The following SCUBE1 variants were observed in gnomAD, a reference collection of about 807,000 sequenced individuals.
SCUBE1 encodes signal peptide, CUB domain and EGF like domain containing 1, also known as signal peptide, CUB and EGF-like domain-containing protein 1.
SCUBE1 carries 59 observed loss-of-function variants against 124.4 expected under a neutral mutation model. The ratio of observed to expected loss-of-function variants is 0.47; its 90% CI spans 0.38 to 0.59. The LOEUF is 0.59. Ranked by LOEUF, SCUBE1 falls within the 20% of genes least tolerant of loss-of-function variation. The pLI is 0.00. For synonymous variants in SCUBE1, 545 were observed against 550.9 expected (o/e 0.99, Z 0.15); for missense variants, 1,150 against 1,371.2 (o/e 0.84, Z 2.55).
At chr22:43,216,349 A>G (rs112391205) in intron 15 of SCUBE1, among the ~76,000 whole-genome samples, 2,625 of 149,830 alleles carry the variant, frequency 0.018, 90 homozygotes, top group African/African-American at 0.062. Context: ...GCCCGGCCCA[A>G]AATAAGTTAT....
At chr22:43,302,843 A>G (rs1023572363) in intron 3 of SCUBE1, among the ~76,000 whole-genome samples, 3 of 152,244 alleles carry the variant, frequency 2.0e-5, no homozygotes, top group Admixed American at 6.5e-5. Flanking sequence ...GTAAGGAAAG[A>G]AGGAGGAAAC....
At chr22:43,317,015 C>T (rs1171343731) in intron 3 of SCUBE1, 1 of 152,194 alleles carries the variant, frequency 6.6e-6, no homozygotes, top group African/African-American at 2.4e-5. Flanking sequence ...ACCCACAAAC[C>T]AGCTGGCACA....
rs1921578947 is a variant in SCUBE1 at position 43,211,969 on chromosome 22, C to A, written c.2221+456G>T. Among the ~76,000 whole-genome samples the A allele has an allele frequency of 6.6e-6, 1 of 152,090 alleles. No homozygotes were observed. The highest frequency in any genetic ancestry group is 2.1e-4 in the South Asian group (1 of 4,822). ...GAGCACGGTGGGGAAGCAGGGTCAG[C>A]AGCTGAGAATGGGGAGGATTTGGGG... On this transcript the variant is annotated intron_variant, in intron 17 of 21. Transcript: ENST00000360835. This position sits in a 1 kb window ranked among gnomAD's most constrained non-coding sequence, Gnocchi z 4.5.
chr22:43,250,416 G>A (rs1923395093), intron 6 of SCUBE1, among the ~76,000 whole-genome samples: 1 of 152,190 alleles, frequency 6.6e-6, no homozygotes, highest in African/African-American at 2.4e-5. Flanking sequence ...GTCCCTGCTG[G>A]AACCCAAGGT....
At chr22:43,268,416 C>A (rs1924160451) in intron 4 of SCUBE1, among the ~76,000 whole-genome samples, 1 of 152,262 alleles carries the variant, frequency 6.6e-6, no homozygotes, top group Non-Finnish European at 1.5e-5. Flanking sequence ...AAATCCTGGT[C>A]TTCAGAGGCC....
Position 43,255,415 on chromosome 22 carries a change from G to A in SCUBE1, c.727+2804C>T, listed in dbSNP as rs139029. 0.41 allele frequency: 532,531 copies of A among 1,299,124 alleles called. 112,914 individuals carry two copies. Among genetic ancestry groups the A allele is most frequent in the East Asian group, 0.61 (24,064 of 39,710 alleles). The allele number at this position is 1,299,124 out of a possible 1,614,324, so 80.5% of individuals were successfully genotyped here. On this transcript the variant is annotated intron_variant, in intron 6 of 21. Transcript: ENST00000360835. This position sits in a 1 kb window ranked among gnomAD's most constrained non-coding sequence, Gnocchi z 4.7. ...CACGCCCATGTCCACATGCCAGTGCGCACCCGAGACACACATGTGCACACA... is the reference window on the plus strand; with the variant it reads ...CACGCCCATGTCCACATGCCAGTGCACACCCGAGACACACATGTGCACACA...
intron 3 of SCUBE1, 85 bp from the exon 4 acceptor site, chr22:43,291,265 T>A: frequency 6.9e-7 from 1 of 1,451,398 alleles, no homozygotes; most frequent in Non-Finnish European, 9.5e-7. Flanking sequence ...AGGGATGCAG[T>A]GAATTTCCTC....
chr22:43,208,306 C>G (rs1921385742), intron 19 of SCUBE1, 82 bp from the exon 20 acceptor site: 1 of 1,307,126 alleles, frequency 7.7e-7, no homozygotes, highest in Non-Finnish European at 1.1e-6. Context: ...ATCCAGTCCA[C>G]CACCCAGCAC....
chr22:43,218,382 G>A lies in SCUBE1; in HGVS notation c.1764C>T (p.Ser588=), dbSNP rs1921932558. The A allele has an allele frequency of 1.2e-6, 2 of 1,613,420 alleles. No homozygotes were observed. Among genetic ancestry groups the A allele is most frequent in the Admixed American group, 1.7e-5 (1 of 60,018 alleles). The change falls in exon 15 of 22, where the codon TCC becomes TCT. Residue 588 remains serine, a synonymous_variant. Coordinates refer to ENST00000360835, the MANE Select transcript of SCUBE1 (RefSeq NM_173050.5). ...LQAAIKTLRK[S]IGRQQFYVQV... is the part of the protein sequence containing the mutation. ...GGACATAGAACTGCTGCCGGCCGAT[G>A]GACTTGCGCAGGGTCTTGATGGCGG...
intron 2 of SCUBE1, among the ~76,000 whole-genome samples, chr22:43,324,037 A>G (rs1926643443): frequency 1.3e-5 from 2 of 152,204 alleles, no homozygotes; most frequent in Non-Finnish European, 2.9e-5. Context: ...CCAACTGGCT[A>G]TTTTAATGGT....
At chr22:43,248,923 C>A (rs1923326118) in intron 6 of SCUBE1, among the ~76,000 whole-genome samples, 1 of 152,226 alleles carries the variant, frequency 6.6e-6, no homozygotes, top group South Asian at 2.1e-4. Context: ...AGCCAACTAG[C>A]CTCACCCATG....
chr22:43,248,290 C>T (rs950908951), intron 6 of SCUBE1, among the ~76,000 whole-genome samples: 1 of 152,182 alleles, frequency 6.6e-6, no homozygotes, highest in African/African-American at 2.4e-5. Flanking sequence ...CCCAAGAGTG[C>T]CAGGCCCAAC....
At chr22:43,323,498 A>G (rs1000580846) in intron 2 of SCUBE1, among the ~76,000 whole-genome samples, 4 of 152,130 alleles carry the variant, frequency 2.6e-5, no homozygotes, top group Non-Finnish European at 5.9e-5. Flanking sequence ...ATGTTCACCC[A>G]TACATCCAGA....
chr22:43,241,058 C>T (rs553431067), intron 6 of SCUBE1, among the ~76,000 whole-genome samples: 81 of 152,258 alleles, frequency 5.3e-4, no homozygotes, highest in African/African-American at 1.8e-3. Flanking sequence ...GGCAGTGACC[C>T]TGAGAGACAG....
At chr22:43,318,321 G>A (rs2146782577) in intron 3 of SCUBE1, 1 of 152,174 alleles carries the variant, frequency 6.6e-6, no homozygotes, top group Admixed American at 6.5e-5. Context: ...GAGTTCCAGA[G>A]GCCTGGGCAA....
At chr22:43,306,868 G>C (rs541848194) in intron 3 of SCUBE1, among the ~76,000 whole-genome samples, 14 of 152,316 alleles carry the variant, frequency 9.2e-5, no homozygotes, top group Non-Finnish European at 1.9e-4. Context: ...CGGAGAAGTG[G>C]ACTGGGGAGT....
intron 7 of SCUBE1, chr22:43,238,334 C>G (rs1230288213): frequency 4.6e-6 from 1 of 218,588 alleles, no homozygotes; most frequent in Non-Finnish European, 9.0e-6. Flanking sequence ...CCTCGCCCCC[C>G]TAGTAGTGAC....
chr22:43,218,364 G>T lies in SCUBE1; in HGVS notation c.1782C>A (p.Phe594Leu). Residue 594 changes from phenylalanine to leucine, a missense_variant, in exon 15 of 22, where the codon TTC becomes TTA. This residue lies in a region of SCUBE1 where 757 missense variants were observed against 840.9 expected (regional missense o/e 0.90). Coordinates refer to ENST00000360835, the MANE Select transcript of SCUBE1 (RefSeq NM_173050.5). ...TLRKSIGRQQ[F>L]YVQVSGTEYE... Reference sequence around the variant, plus strand: ...ACTCAGTGCCTGAGACCTGGACATAGAACTGCTGCCGGCCGATGGACTTGC... The same window carrying T: ...ACTCAGTGCCTGAGACCTGGACATATAACTGCTGCCGGCCGATGGACTTGC... 6.2e-7 allele frequency: 1 copy of T among 1,613,486 alleles called. No homozygotes were observed. The highest frequency in any genetic ancestry group is 8.5e-7 in the Non-Finnish European group (1 of 1,180,040).
chr22:43,264,710 C>T (rs1408559616), intron 4 of SCUBE1, among the ~76,000 whole-genome samples: 1 of 152,260 alleles, frequency 6.6e-6, no homozygotes, highest in Non-Finnish European at 1.5e-5. Flanking sequence ...AGCTTCTTCA[C>T]AGCTGTACAC....
Sources: gnomAD v4.1 joint callset for allele counts (sites outside exome capture counted in the v4.1 genomes callset) on GRCh38, gnomAD v4.1.1 for gene constraint, gnomAD v4.1.1 regional missense constraint, Gnocchi (gnomAD v3.1) non-coding constraint, MANE v1.5 for transcripts, NCBI Gene and HGNC (gene_info 2026-07-23, HGNC 2026-07-21) for gene names.